BMPR1B: variants seen among roughly 807,000 people sequenced by gnomAD.
BMPR1B encodes bone morphogenetic protein receptor type 1B, also known as bone morphogenetic protein receptor type-1B.
Under a neutral mutation model 59.1 loss-of-function variants are expected in BMPR1B, and 12 were observed. The observed-to-expected ratio is 0.20, with a 90% confidence interval of 0.13 to 0.33. The LOEUF (loss-of-function observed/expected upper bound fraction) is 0.33, where lower values mean the gene tolerates loss of function less well. Ranked by LOEUF, BMPR1B falls within the 10% of genes least tolerant of loss-of-function variation. BMPR1B has a pLI of 1.00. For synonymous variants in BMPR1B, 237 were observed against 207.3 expected (o/e 1.14, Z -1.23); for missense variants, 550 against 610.9 (o/e 0.90, Z 1.05).
In BMPR1B at chr4:95,071,646, G is replaced by GTATATATATATA. The variant is rs1179814583; in HGVS notation, c.-17-32761_-17-32760insATATATATATAT. 5.0e-3 allele frequency among the ~76,000 whole-genome samples: 435 copies of GTATATATATATA among 86,326 alleles called. 4 individuals are homozygous for GTATATATATATA. The highest frequency in any genetic ancestry group is 0.02 in the African/African-American group (408 of 20,856). 56.6% of individuals were successfully genotyped at this position (86,326 alleles called of 152,430 possible). A position where few individuals can be genotyped will look rare whatever the true frequency, so the allele number is the denominator to read the frequency against. On this transcript the variant is annotated intron_variant, in intron 3 of 12. Coordinates refer to ENST00000515059, the MANE Select transcript of BMPR1B (RefSeq NM_001203.3). The stretch of plus-strand genomic sequence containing the variant: ...TATATGTGTGTTTGTGTGTGTGTGT[G>GTATATATATATA]TGTGTGTATATATATATATATATAT...
chr4:94,762,860 T>G lies in BMPR1B; in HGVS notation c.-183+4792T>G, dbSNP rs1272295335. On this transcript the variant is annotated intron_variant, in intron 1 of 12. Transcript: ENST00000515059. ...ATGGAGTTGAATCATCAGTTTTTGT[T>G]TTTTTTTTTTTGCGGGGCTGGGGGC... 6.2e-4 allele frequency among the ~76,000 whole-genome samples: 41 copies of G among 66,144 alleles called. 1 individual carries two copies. Among genetic ancestry groups the G allele is most frequent in the African/African-American group, 2.9e-3 (40 of 13,668 alleles). 43.4% of individuals were successfully genotyped at this position (66,144 alleles called of 152,430 possible). A position where few individuals can be genotyped will look rare whatever the true frequency, so the allele number is the denominator to read the frequency against.
In BMPR1B at chr4:94,910,744, A is replaced by G. The variant is rs550717802; in HGVS notation, c.-113+34844A>G. Among the ~76,000 whole-genome samples, 9 of 152,108 alleles carry G rather than the reference A, an allele frequency of 5.9e-5. No homozygotes were observed. In the South Asian group the frequency reaches 1.2e-3, roughly 21 times the overall value. ...GCAACATAGCGAGACCCCCATCTCT[A>G]AAAAAATAAAAATAAAATAATTAGC... On this transcript the variant is annotated intron_variant, in intron 2 of 12. Coordinates refer to ENST00000515059, the MANE Select transcript of BMPR1B (RefSeq NM_001203.3).
At chr4:94,934,806 C>A (rs1407281899) in intron 2 of BMPR1B, among the ~76,000 whole-genome samples, 2 of 152,046 alleles carry the variant, frequency 1.3e-5, no homozygotes, top group Admixed American at 6.6e-5. Context: ...CTTCAAGATT[C>A]TGTGTGCCTT....
chr4:94,786,266 T>C (rs562072075), intron 1 of BMPR1B, among the ~76,000 whole-genome samples: 154 of 152,210 alleles, frequency 1.0e-3, no homozygotes, highest in Non-Finnish European at 1.6e-3. Flanking sequence ...CAAGGGCATA[T>C]GGAAATGTCA....
intron 2 of BMPR1B, among the ~76,000 whole-genome samples, chr4:94,918,905 TTTTA>T (rs139661081): frequency 0.033 from 4,955 of 152,094 alleles, 119 homozygotes; most frequent in Non-Finnish European, 0.053. Context: ...CCCTCCATTA[TTTTA>T]TTTATTTATT....
intron 1 of BMPR1B, among the ~76,000 whole-genome samples, chr4:94,798,838 T>C (rs13138560): frequency 0.31 from 47,598 of 151,630 alleles, 8,066 homozygotes; most frequent in African/African-American, 0.44. Flanking sequence ...TTACTCTCCC[T>C]TCCCCGCAGT....
Position 95,000,574 on chromosome 4 carries a change from G to C in BMPR1B, c.-18+4440G>C, listed in dbSNP as rs758342679. ...AGTGGAGAAAGTGCCTTAGCAAAGA[G>C]TTTTAGGTATGGATTTTATAGATCT... On this transcript the variant is annotated intron_variant, in intron 3 of 12. Coordinates refer to ENST00000515059, the MANE Select transcript of BMPR1B (RefSeq NM_001203.3). Among the ~76,000 whole-genome samples the C allele has an allele frequency of 5.9e-5, 9 of 151,920 alleles. No individual in the cohort carries two copies. The South Asian group carries it at 1.2e-3, about 21-fold the overall frequency.
chr4:95,103,609 G>T (rs1409767398), intron 3 of BMPR1B: 1 of 495,814 alleles, frequency 2.0e-6, no homozygotes, highest in African/African-American at 2.1e-5. Flanking sequence ...CCATTTTAAG[G>T]ATAAGAACAT....
intron 2 of BMPR1B, among the ~76,000 whole-genome samples, chr4:94,888,485 GATA>G (rs1273454114): frequency 6.6e-6 from 1 of 152,004 alleles, no homozygotes; most frequent in African/African-American, 2.4e-5. Context: ...TAATAACAAT[GATA>G]ATAATGATAC....
intron 1 of BMPR1B, among the ~76,000 whole-genome samples, chr4:94,845,401 G>A (rs1578712351): frequency 6.6e-6 from 1 of 150,844 alleles, no homozygotes; most frequent in African/African-American, 2.4e-5. Flanking sequence ...GGAGTGCAGT[G>A]GCGCGATCTT....
intron 3 of BMPR1B, among the ~76,000 whole-genome samples, chr4:95,093,081 A>G (rs1201581480): frequency 6.6e-6 from 1 of 152,148 alleles, no homozygotes; most frequent in African/African-American, 2.4e-5. Flanking sequence ...ATTTTAAAAT[A>G]CAAAGTCATT....
intron 3 of BMPR1B, among the ~76,000 whole-genome samples, chr4:95,018,705 G>A (rs1193373277): frequency 1.3e-5 from 2 of 152,114 alleles, no homozygotes; most frequent in Non-Finnish European, 2.9e-5. Flanking sequence ...TCTTCCTAAT[G>A]ATAAATAACT....
chr4:94,775,830 G>A (rs1031337515), intron 1 of BMPR1B, among the ~76,000 whole-genome samples: 4 of 150,658 alleles, frequency 2.7e-5, no homozygotes, highest in African/African-American at 9.9e-5. Context: ...AGTGGCTCAC[G>A]CCTGTAATCC....
chr4:95,143,981 C>G (rs1296907632), intron 10 of BMPR1B, among the ~76,000 whole-genome samples: 1 of 151,896 alleles, frequency 6.6e-6, no homozygotes, highest in Non-Finnish European at 1.5e-5. Flanking sequence ...AAAATTTAGT[C>G]CACCTGGACA....
At chr4:94,886,206 C>T (rs1304847305) in intron 2 of BMPR1B, among the ~76,000 whole-genome samples, 3 of 152,200 alleles carry the variant, frequency 2.0e-5, no homozygotes, top group Middle Eastern at 3.4e-3. Flanking sequence ...TAAGAAATAA[C>T]ACTTTAAGAA....
chr4:94,926,106 C>G (rs1419123620), intron 2 of BMPR1B, among the ~76,000 whole-genome samples: 2 of 133,100 alleles, frequency 1.5e-5, no homozygotes, highest in East Asian at 5.2e-4. Flanking sequence ...TCCTTTCCTT[C>G]CCCTCCCTTC....
intron 1 of BMPR1B, among the ~76,000 whole-genome samples, chr4:94,859,145 C>A (rs992357671): frequency 6.6e-6 from 1 of 152,062 alleles, no homozygotes. Context: ...CTGTCTAGAG[C>A]CAACTAAATT....
In BMPR1B at chr4:95,104,577, A is replaced by G; in HGVS notation, c.143+10A>G. On this transcript the variant is annotated intron_variant, in intron 4 of 12. Coordinates refer to ENST00000515059, the MANE Select transcript of BMPR1B (RefSeq NM_001203.3). ...TCAACAATATTTGCAGGTTGGTGAT[A>G]TAAATGATTTAAAGCTAGCTTTAAC... 2 of 1,613,232 alleles carry G rather than the reference A, an allele frequency of 1.2e-6. No homozygotes were observed. The highest frequency in any genetic ancestry group is 1.7e-6 in the Non-Finnish European group (2 of 1,179,394).
intron 3 of BMPR1B, among the ~76,000 whole-genome samples, chr4:95,032,206 T>C (rs1393142571): frequency 6.6e-6 from 1 of 152,068 alleles, no homozygotes; most frequent in Non-Finnish European, 1.5e-5. Context: ...TCCTGCCTCC[T>C]GGTTTGCAGC....
Sources: allele counts gnomAD v4.1 joint callset (sites outside exome capture counted in the v4.1 genomes callset), GRCh38; gene constraint gnomAD v4.1.1; transcripts MANE v1.5; gene names NCBI Gene and HGNC (gene_info 2026-07-23, HGNC 2026-07-21).